The following SFSWAP variants were observed in gnomAD, a reference collection of about 807,000 sequenced individuals.
SFSWAP encodes the protein splicing factor SWAP, also known as splicing factor, suppressor of white-apricot homolog.
In SFSWAP, 17 loss-of-function variants were observed where a neutral mutation model predicts 100.7. The ratio of observed to expected loss-of-function variants is 0.17; its 90% confidence interval spans 0.12 to 0.25. The LOEUF is 0.25. SFSWAP is among the 10% of genes least tolerant of loss of function. SFSWAP has a pLI of 1.00. For synonymous variants in SFSWAP, 504 were observed against 510.1 expected (o/e 0.99, Z 0.16); for missense variants, 1,005 against 1,262.6 (o/e 0.80, Z 3.09).
chr12:131,791,898 G>A (rs1367319803), intron 15 of SFSWAP, among the ~76,000 whole-genome samples: 1 of 152,262 alleles, frequency 6.6e-6, no homozygotes, highest in Non-Finnish European at 1.5e-5. Context: ...ACCCTTGTCT[G>A]TTCACAGATC....
At chr12:131,729,297 A>G (rs1298234542) in intron 7 of SFSWAP, among the ~76,000 whole-genome samples, 2 of 152,096 alleles carry the variant, frequency 1.3e-5, no homozygotes, top group Non-Finnish European at 2.9e-5. Context: ...TACGCACAGG[A>G]GTTTGAGACC....
intron 7 of SFSWAP, 87 bp downstream of exon 7, chr12:131,728,515 C>T: frequency 7.0e-7 from 1 of 1,427,232 alleles, no homozygotes; most frequent in Non-Finnish European, 9.7e-7. Context: ...AGTGTTCTGT[C>T]CTCCAAGTGT....
intron 7 of SFSWAP, among the ~76,000 whole-genome samples, chr12:131,742,689 G>A (rs1880764572): frequency 6.6e-6 from 1 of 151,812 alleles, no homozygotes; most frequent in African/African-American, 2.4e-5. Context: ...AATACAGTGT[G>A]GTTGTGATGG....
At chr12:131,742,660 C>T (rs987663969) in intron 7 of SFSWAP, among the ~76,000 whole-genome samples, 19 of 149,896 alleles carry the variant, frequency 1.3e-4, no homozygotes, top group Admixed American at 9.9e-4. Flanking sequence ...GATACTAGGT[C>T]GTCGGGAGGT....
chr12:131,773,116 CAG>C (rs768323319), intron 13 of SFSWAP, among the ~76,000 whole-genome samples: 7 of 152,154 alleles, frequency 4.6e-5, no homozygotes, highest in East Asian at 1.9e-4. Context: ...GGTGGGAAAA[CAG>C]GGATAGTTGT....
At chr12:131,782,299 C>A (rs1346634541) in intron 14 of SFSWAP, among the ~76,000 whole-genome samples, 1 of 152,192 alleles carries the variant, frequency 6.6e-6, no homozygotes, top group Non-Finnish European at 1.5e-5. Flanking sequence ...CATCCAAGCT[C>A]TGCCAGCAAT....
At position 131,714,107 on chromosome 12, in the gene SFSWAP, G is replaced by A; in HGVS notation, c.255G>A (p.Glu85=). 1 of 1,613,902 alleles carries A rather than the reference G, an allele frequency of 6.2e-7. No homozygotes were observed. The highest frequency in any genetic ancestry group is 1.1e-5 in the South Asian group (1 of 91,074). The change falls in exon 2 of 18, where the codon GAG becomes GAA. Residue 85 remains glutamate (E), a synonymous_variant. Coordinates refer to ENST00000261674, the MANE Select transcript of SFSWAP (RefSeq NM_004592.4). This position sits in a 1 kb window ranked among gnomAD's most constrained non-coding sequence, Gnocchi z 6.0. ...GTGGTCACCTGCATGACCTTTCTGA[G>A]TACGATGCTGAGTATTCCACGTGGA... The part of the protein sequence containing the change: ...DGRGHLHDLS[E]YDAEYSTWNR...
chr12:131,776,659 G>T (rs1343412552), intron 13 of SFSWAP, among the ~76,000 whole-genome samples: 1 of 152,250 alleles, frequency 6.6e-6, no homozygotes, highest in Non-Finnish European at 1.5e-5. Flanking sequence ...GCACACTGCC[G>T]CGGGCTGGGC....
intron 15 of SFSWAP, among the ~76,000 whole-genome samples, chr12:131,795,387 A>ACC (rs1885555930): frequency 6.6e-6 from 1 of 152,240 alleles, no homozygotes; most frequent in South Asian, 2.1e-4. Context: ...CCCGGACAGA[A>ACC]ACGCTCAGTC....
intron 14 of SFSWAP, among the ~76,000 whole-genome samples, chr12:131,781,488 C>T (rs1045370601): frequency 6.6e-6 from 1 of 152,136 alleles, no homozygotes; most frequent in Admixed American, 6.5e-5. Flanking sequence ...CCACCCGCCT[C>T]GGCCTCCCAA....
rs1036819584 is a variant in SFSWAP, at chr12:131,734,797, G to T, written c.1081+6369G>T. On this transcript the variant is annotated intron_variant, in intron 7 of 17. Coordinates refer to ENST00000261674, the MANE Select transcript of SFSWAP (RefSeq NM_004592.4). This position sits in a 1 kb window ranked among gnomAD's most constrained non-coding sequence, Gnocchi z 4.9. ...GGTGAGATGAACGAGCTCTCCCTGCGTGCGCACGTCTACGTACGCTCGTGT... is the reference window on the plus strand; with the variant it reads ...GGTGAGATGAACGAGCTCTCCCTGCTTGCGCACGTCTACGTACGCTCGTGT... Among the ~76,000 whole-genome samples the T allele has an allele frequency of 6.6e-6, 1 of 152,152 alleles. No individual in the cohort carries two copies. The highest frequency in any genetic ancestry group is 1.5e-5 in the Non-Finnish European group (1 of 68,034).
At chr12:131,754,299 C>T (rs575230046) in intron 8 of SFSWAP, 69 bp from the exon 9 acceptor site, 52 of 1,327,102 alleles carry the variant, frequency 3.9e-5, no homozygotes, top group East Asian at 5.4e-5. Flanking sequence ...GGTGAGGACC[C>T]CCGAGCAGCC....
intron 7 of SFSWAP, among the ~76,000 whole-genome samples, chr12:131,752,189 ATTG>A (rs1460196702): frequency 6.6e-6 from 1 of 152,170 alleles, no homozygotes; most frequent in Non-Finnish European, 1.5e-5. Context: ...TTTCAATGTT[ATTG>A]TTTTAAGGTG....
chr12:131,756,860 ATG>A, intron 11 of SFSWAP: 1 of 548,096 alleles, frequency 1.8e-6, no homozygotes, highest in African/African-American at 1.9e-5. Context: ...GCCCTTAGGT[ATG>A]TGTCTGTTTA....
chr12:131,782,368 G>A (rs1884566638), intron 14 of SFSWAP, among the ~76,000 whole-genome samples: 1 of 152,174 alleles, frequency 6.6e-6, no homozygotes, highest in African/African-American at 2.4e-5. Flanking sequence ...GAGGGGTGGT[G>A]ATCTCCTCAG....
chr12:131,715,323 A>G (rs1463529937), intron 3 of SFSWAP, among the ~76,000 whole-genome samples: 1 of 152,136 alleles, frequency 6.6e-6, no homozygotes, highest in East Asian at 1.9e-4. Flanking sequence ...CCTCTCACTG[A>G]CCTGCTTCCC....
Position 131,725,731 on chromosome 12 carries a change from A to G in SFSWAP, c.832+101A>G. 7.1e-6 allele frequency: 6 copies of G among 842,530 alleles called. No homozygotes were observed. Among genetic ancestry groups the G allele is most frequent in the Non-Finnish European group, 1.2e-5 (6 of 515,412 alleles). The allele number at this position is 842,530 out of a possible 1,614,324, so 52.2% of individuals were successfully genotyped here. A position where few individuals can be genotyped will look rare whatever the true frequency, so the allele number is the denominator to read the frequency against. Reference sequence around the variant, plus strand: ...AAAGTGTGAAGATACACATTCTTACAGATGCATGGTTGAAAGCCAGACTCG... The same window carrying G: ...AAAGTGTGAAGATACACATTCTTACGGATGCATGGTTGAAAGCCAGACTCG... On this transcript the variant is annotated intron_variant, in intron 5 of 17. Transcript: ENST00000261674. This position sits in a 1 kb window ranked among gnomAD's most constrained non-coding sequence, Gnocchi z 4.3.
intron 15 of SFSWAP, among the ~76,000 whole-genome samples, chr12:131,793,832 C>CA (rs1353327713): frequency 1.3e-5 from 2 of 152,102 alleles, no homozygotes; most frequent in African/African-American, 4.8e-5. Context: ...CATGAGTCAC[C>CA]AGTCAGGGAC....
intron 12 of SFSWAP, among the ~76,000 whole-genome samples, chr12:131,765,500 T>C (rs998461257): frequency 7.2e-5 from 11 of 151,782 alleles, no homozygotes; most frequent in Non-Finnish European, 1.6e-4. Context: ...AAAACAAAAT[T>C]AGCCGGGCGT....
Sources: gnomAD v4.1 joint callset for allele counts (sites outside exome capture counted in the v4.1 genomes callset) on GRCh38, gnomAD v4.1.1 for gene constraint, Gnocchi (gnomAD v3.1) non-coding constraint, MANE v1.5 for transcripts, NCBI Gene and HGNC (gene_info 2026-07-23, HGNC 2026-07-21) for gene names.